The following EVA1C variants were observed in gnomAD, a reference collection of about 807,000 sequenced individuals.
The protein encoded by EVA1C is eva-1 homolog C.
In EVA1C, 25 loss-of-function variants were observed where a neutral mutation model predicts 45.4. That is an observed-to-expected ratio of 0.55 (90% CI 0.40 to 0.77). The LOEUF (loss-of-function observed/expected upper bound fraction) is 0.77, where lower values mean the gene tolerates loss of function less well. Ranked by LOEUF, EVA1C falls within the 30% of genes least tolerant of loss-of-function variation. The pLI is 0.00. For synonymous variants in EVA1C, 190 were observed against 221.2 expected (o/e 0.86, Z 1.25); for missense variants, 479 against 554.8 (o/e 0.86, Z 1.37).
intron 1 of EVA1C, among the ~76,000 whole-genome samples, chr21:32,432,782 G>A (rs2146166686): frequency 6.6e-6 from 1 of 152,270 alleles, no homozygotes; most frequent in East Asian, 1.9e-4. Context: ...GTGCAGTGAT[G>A]TGATCATAGG....
chr21:32,466,384 A>G (rs1440672657), intron 3 of EVA1C, among the ~76,000 whole-genome samples: 1 of 149,402 alleles, frequency 6.7e-6, no homozygotes, highest in Non-Finnish European at 1.5e-5. Context: ...GTGCCACTGC[A>G]CTCCAGCCTG....
At chr21:32,477,717 TCACCTCCCCCGTAC>T (rs1568926638) in intron 4 of EVA1C, among the ~76,000 whole-genome samples, 1 of 60,224 alleles carries the variant, frequency 1.7e-5, no homozygotes, top group Admixed American at 2.3e-4. Context: ...CCGTACGCCC[TCACCTCCCCCGTAC>T]GCCCTCCCCT....
rs535483661 is a variant in EVA1C at position 32,416,204 on chromosome 21, T to C, written c.160+3191T>C. Among the ~76,000 whole-genome samples the C allele has an allele frequency of 1.2e-4, 18 of 151,458 alleles. No individual in the cohort carries two copies. In the South Asian group the frequency reaches 3.8e-3, roughly 32 times the overall value. ...TGTGATGGTCCCTCAGTACTTACTGTTTTGTGTGTGTGTGTGTGTGTGTGC... is the reference window on the plus strand; with the variant it reads ...TGTGATGGTCCCTCAGTACTTACTGCTTTGTGTGTGTGTGTGTGTGTGTGC... On this transcript the variant is annotated intron_variant, in intron 1 of 7. Transcript: ENST00000300255.
intron 7 of EVA1C, among the ~76,000 whole-genome samples, chr21:32,511,518 A>G (rs1469709596): frequency 6.6e-6 from 1 of 152,178 alleles, no homozygotes; most frequent in Non-Finnish European, 1.5e-5. Flanking sequence ...CAACCCAGAA[A>G]AAAAATGGGT....
At chr21:32,413,160 G>A in intron 1 of EVA1C, 147 bp downstream of exon 1, 2 of 642,440 alleles carry the variant, frequency 3.1e-6, no homozygotes, top group South Asian at 5.8e-5. Flanking sequence ...GTGAGCCCTT[G>A]GCATATAGAT....
At chr21:32,503,674 C>T (rs2037631251) in intron 6 of EVA1C, among the ~76,000 whole-genome samples, 1 of 152,106 alleles carries the variant, frequency 6.6e-6, no homozygotes, top group African/African-American at 2.4e-5. Context: ...AAGACCAGCA[C>T]CTGAAGTTGG....
At chr21:32,494,448 C>G (rs113947479) in intron 4 of EVA1C, among the ~76,000 whole-genome samples, 1,562 of 152,216 alleles carry the variant, frequency 0.01, 27 homozygotes, top group Admixed American at 0.036. Context: ...CATATTTTAA[C>G]CAGTGCAAAA....
rs779303041 is a variant in EVA1C, at chr21:32,503,937, G to A, written c.871G>A (p.Asp291Asn). The change falls in exon 7 of 8, where the codon GAC becomes AAC. Residue 291 changes from aspartate to asparagine, a missense_variant. Physicochemically the swap from Asp to Asn is conservative, Grantham distance 23. Coordinates refer to ENST00000300255, the MANE Select transcript of EVA1C (RefSeq NM_058187.5). ...QKDGEYGINF[D>N]PSGSKVLRKD... ...TTTTCATGAAACAGGTATAAACTTC[G>A]ACCCAAGCGGATCGAAGGTTCTGAG... 22 of 1,610,520 alleles carry A rather than the reference G, an allele frequency of 1.4e-5. No homozygotes were observed. Among genetic ancestry groups the A allele is most frequent in the South Asian group, 7.7e-5 (7 of 90,818 alleles).
At position 32,507,732 on chromosome 21, in the gene EVA1C, G is replaced by A. The variant is rs576189348; in HGVS notation, c.949+3717G>A. Among the ~76,000 whole-genome samples the A allele has an allele frequency of 1.0e-4, 15 of 145,856 alleles. No individual in the cohort carries two copies. The East Asian group carries it at 1.1e-3, about 10-fold the overall frequency. On this transcript the variant is annotated intron_variant, in intron 7 of 7. Transcript: ENST00000300255. ...CGTGTGTGTGCATGTGTGTGCATAC[G>A]TGTATCTGCATGTGCATATGTGTTT...
At chr21:32,445,399 C>T (rs1010206719) in intron 1 of EVA1C, among the ~76,000 whole-genome samples, 1 of 152,110 alleles carries the variant, frequency 6.6e-6, no homozygotes, top group Non-Finnish European at 1.5e-5. Context: ...GATCTTGGGG[C>T]CTGCAAGGAA....
intron 6 of EVA1C, among the ~76,000 whole-genome samples, chr21:32,501,992 CTTTCTT>C (rs1568949542): frequency 8.1e-4 from 6 of 7,372 alleles, no homozygotes; most frequent in African/African-American, 2.3e-3. Flanking sequence ...TCTTTTCTTT[CTTTCTT>C]TCTTTCTTTC....
chr21:32,501,266 G>A, intron 5 of EVA1C, 149 bp from the exon 6 acceptor site: 4 of 673,012 alleles, frequency 5.9e-6, no homozygotes, highest in Non-Finnish European at 9.9e-6. Context: ...GTGTGTATAT[G>A]TGTGTATTTA....
At chr21:32,448,533 C>T (rs911813448) in intron 1 of EVA1C, among the ~76,000 whole-genome samples, 1 of 152,092 alleles carries the variant, frequency 6.6e-6, no homozygotes, top group African/African-American at 2.4e-5. Flanking sequence ...ATAGGTAATG[C>T]TATCCTGGGG....
chr21:32,473,900 A>AT, intron 4 of EVA1C: 1 of 985,274 alleles, frequency 1.0e-6, no homozygotes, highest in Non-Finnish European at 1.2e-6. Context: ...GGACCCTTTG[A>AT]TTTTTGTCTT....
intron 1 of EVA1C, among the ~76,000 whole-genome samples, chr21:32,444,467 C>G (rs1241301148): frequency 6.6e-6 from 1 of 152,138 alleles, no homozygotes; most frequent in Non-Finnish European, 1.5e-5. Context: ...ATTATAAAGG[C>G]TATTACAAAG....
chr21:32,427,239 C>T (rs114657174), intron 1 of EVA1C, among the ~76,000 whole-genome samples: 410 of 152,280 alleles, frequency 2.7e-3, no homozygotes, highest in African/African-American at 9.5e-3. Context: ...ATATGGCTTC[C>T]TGCAATAAAA....
intron 3 of EVA1C, among the ~76,000 whole-genome samples, chr21:32,466,909 T>C (rs927772449): frequency 6.6e-6 from 1 of 151,974 alleles, no homozygotes; most frequent in Non-Finnish European, 1.5e-5. Context: ...GAACCTCCTG[T>C]CTCAGCCTCC....
rs1601422191 is a variant in EVA1C, at chr21:32,497,155, ACT to A, written c.778+1988_778+1989del. 3.8e-6 allele frequency: 3 copies of A among 797,888 alleles called. No individual in the cohort carries two copies. The East Asian group carries it at 7.3e-5, about 19-fold the overall frequency. 49.4% of individuals were successfully genotyped at this position (797,888 alleles called of 1,614,324 possible). A position where few individuals can be genotyped will look rare whatever the true frequency, so the allele number is the denominator to read the frequency against. On this transcript the variant is annotated intron_variant, in intron 5 of 7. Transcript: ENST00000300255. ...ATGAAATCAAACAGGAAGTGGGAAAACTCTATCCACTGAAGATAGTATTTGGA... is the reference window on the plus strand; with the variant it reads ...ATGAAATCAAACAGGAAGTGGGAAAACTATCCACTGAAGATAGTATTTGGA...
chr21:32,486,115 T>C (rs1354149257), intron 4 of EVA1C, among the ~76,000 whole-genome samples: 1 of 152,202 alleles, frequency 6.6e-6, no homozygotes, highest in Admixed American at 6.5e-5. Flanking sequence ...CTATTGATCT[T>C]ACTGTTGTTC....
Sources: gnomAD v4.1 joint callset for allele counts (sites outside exome capture counted in the v4.1 genomes callset) on GRCh38, gnomAD v4.1.1 for gene constraint, MANE v1.5 for transcripts, NCBI Gene and HGNC (gene_info 2026-07-23, HGNC 2026-07-21) for gene names.